The following CCDC39 variants were observed in gnomAD, a reference collection of about 807,000 sequenced individuals.
CCDC39 encodes coiled-coil domain 39 molecular ruler complex subunit.
CCDC39 carries 113 observed loss-of-function variants against 121.0 expected under a neutral mutation model. That is an observed-to-expected ratio of 0.93 (90% confidence interval 0.80 to 1.09). CCDC39 has a LOEUF of 1.09. Among genes scored for constraint, CCDC39 ranks in the 50% least tolerant of loss-of-function variants. The pLI is 0.00. For synonymous variants in CCDC39, 349 were observed against 352.2 expected, an observed-to-expected ratio of 0.99 and a Z score of 0.10; for missense variants, 1,063 against 1,074.7, an observed-to-expected ratio of 0.99 and a Z score of 0.15.
Position 180,654,860 on chromosome 3 carries a change from CTG to C in CCDC39, c.830_831del (p.Thr277ArgfsTer3), listed in dbSNP as rs773801386. On this transcript the variant is annotated frameshift_variant, in exon 7 of 20. Coordinates refer to ENST00000476379, the MANE Select transcript of CCDC39 (RefSeq NM_181426.2). LOFTEE classifies it high-confidence loss of function. ...KFLESEIGNN[T>X]EFEKRISVAD... ...GCCACAGAAATTCTTTTCTCAAACTCTGTGTTATTCCCAATCTCACTTTCCAA... is the reference window on the plus strand; with the variant it reads ...GCCACAGAAATTCTTTTCTCAAACTCTGTTATTCCCAATCTCACTTTCCAA... 1.1e-4 allele frequency: 169 copies of C among 1,604,204 alleles called. No individual in the cohort carries two copies. The highest frequency in any genetic ancestry group is 1.3e-4 in the Non-Finnish European group (157 of 1,176,772).
At chr3:180,620,059 G>T in intron 14 of CCDC39, 89 bp from the exon 15 acceptor site, 1 of 980,238 alleles carries the variant, frequency 1.0e-6, no homozygotes, top group South Asian at 2.0e-5. Flanking sequence ...GAAAATAGTT[G>T]ACTTGTGACA....
At chr3:180,667,901 T>C (rs1711928592) in intron 1 of CCDC39, among the ~76,000 whole-genome samples, 1 of 152,044 alleles carries the variant, frequency 6.6e-6, no homozygotes, top group African/African-American at 2.4e-5. Flanking sequence ...GAAAGCAAAA[T>C]AGCCTTATTG....
At chr3:180,616,755 AATAG>A (rs1717260106) in intron 17 of CCDC39, 60 bp from the exon 18 acceptor site, 1 of 1,576,966 alleles carries the variant, frequency 6.3e-7, no homozygotes, top group African/African-American at 1.4e-5. Flanking sequence ...TAATATTTTT[AATAG>A]ATGAAGGAGG....
chr3:180,675,423 A>G (rs1357085594), intron 1 of CCDC39, among the ~76,000 whole-genome samples: 1 of 152,114 alleles, frequency 6.6e-6, no homozygotes, highest in Admixed American at 6.5e-5. Context: ...GATCGTTTCA[A>G]AAAACCAGCT....
chr3:180,673,878 A>G (rs1296520407), intron 1 of CCDC39, among the ~76,000 whole-genome samples: 1 of 151,922 alleles, frequency 6.6e-6, no homozygotes, highest in South Asian at 2.1e-4. Flanking sequence ...TTTAAGATGT[A>G]TAAACTTAAA....
intron 8 of CCDC39, 88 bp from the exon 9 acceptor site, chr3:180,651,621 G>T: frequency 1.5e-6 from 2 of 1,295,222 alleles, no homozygotes; most frequent in Non-Finnish European, 1.0e-6. Flanking sequence ...ATATTTATTT[G>T]TATAACTTGA....
At chr3:180,660,522 A>G (rs1711715822) in intron 4 of CCDC39, 48 bp downstream of exon 4, 2 of 1,463,730 alleles carry the variant, frequency 1.4e-6, no homozygotes, top group Non-Finnish European at 1.8e-6. Flanking sequence ...AGGTTGACAT[A>G]CTACAGAGTT....
At chr3:180,640,232 A>C (rs1717924314) in intron 13 of CCDC39, among the ~76,000 whole-genome samples, 1 of 152,090 alleles carries the variant, frequency 6.6e-6, no homozygotes, top group Non-Finnish European at 1.5e-5. Flanking sequence ...AATATACCTC[A>C]ATAAAGTTTA....
At chr3:180,626,040 G>C (rs964337576) in intron 14 of CCDC39, among the ~76,000 whole-genome samples, 1 of 152,046 alleles carries the variant, frequency 6.6e-6, no homozygotes, top group African/African-American at 2.4e-5. Context: ...GGCAGCTGGT[G>C]TGATGCAGGT....
intron 14 of CCDC39, among the ~76,000 whole-genome samples, chr3:180,630,672 G>A (rs992067359): frequency 3.3e-5 from 5 of 152,078 alleles, no homozygotes; most frequent in Non-Finnish European, 5.9e-5. Context: ...TTTTCTACAT[G>A]GGAAAGATGA....
rs535709389 is a variant in CCDC39 at position 180,677,668 on chromosome 3, A to G, written c.90+1623T>C. Among the ~76,000 whole-genome samples the G allele has an allele frequency of 2.6e-5, 4 of 152,196 alleles. No individual in the cohort carries two copies. The South Asian group carries it at 8.3e-4, about 32-fold the overall frequency. On this transcript the variant is annotated intron_variant, in intron 1 of 19. Transcript: ENST00000476379. ...TCAACAACTGCTTTTTCTTCTCTCAAATACTAAAATAAATATTTTGTGTTA... is the reference window on the plus strand; with the variant it reads ...TCAACAACTGCTTTTTCTTCTCTCAGATACTAAAATAAATATTTTGTGTTA...
chr3:180,653,077 C>G (rs1008271985), intron 7 of CCDC39, among the ~76,000 whole-genome samples: 28 of 152,218 alleles, frequency 1.8e-4, no homozygotes, highest in African/African-American at 6.7e-4. Context: ...CTATTCAAAG[C>G]GATCTACAGA....
At chr3:180,625,236 T>G (rs536568266) in intron 14 of CCDC39, among the ~76,000 whole-genome samples, 1 of 152,036 alleles carries the variant, frequency 6.6e-6, no homozygotes, top group Non-Finnish European at 1.5e-5. Flanking sequence ...CTTTTTTTTT[T>G]AATTTGTCTG....
intron 1 of CCDC39, among the ~76,000 whole-genome samples, chr3:180,668,670 T>C (rs1711953854): frequency 6.6e-6 from 1 of 152,182 alleles, no homozygotes; most frequent in Non-Finnish European, 1.5e-5. Flanking sequence ...TGTTTATTTA[T>C]TTTCTATCTT....
chr3:180,656,867 G>A (rs1350542803), intron 6 of CCDC39, among the ~76,000 whole-genome samples: 1 of 152,148 alleles, frequency 6.6e-6, no homozygotes, highest in Admixed American at 6.5e-5. Context: ...GCAATGTCAG[G>A]GAGTTACCCT....
chr3:180,662,107 A>C (rs564555916), intron 2 of CCDC39, 100 bp from the exon 3 acceptor site: 1 of 1,147,962 alleles, frequency 8.7e-7, no homozygotes, highest in Admixed American at 2.8e-5. Context: ...AGTTCCCATA[A>C]ATTGCTTACA....
In CCDC39 at chr3:180,651,865, G is replaced by A. The variant is rs149495433; in HGVS notation, c.1034+298C>T. Among the ~76,000 whole-genome samples the A allele has an allele frequency of 2.2e-3, 336 of 152,122 alleles. 1 individual carries two copies. Among genetic ancestry groups the A allele is most frequent in the Non-Finnish European group, 3.9e-3 (266 of 67,992 alleles). ...ATCCTGGCTAACACGGTGAAACCCC[G>A]TCTCTAATAAAAATACAAAAAATTA... is the stretch of plus-strand genomic sequence containing the variant. On this transcript the variant is annotated intron_variant, in intron 8 of 19. Coordinates refer to ENST00000476379, the MANE Select transcript of CCDC39 (RefSeq NM_181426.2).
intron 13 of CCDC39, among the ~76,000 whole-genome samples, chr3:180,635,903 T>A (rs58906660): frequency 0.36 from 54,264 of 152,110 alleles, 12,324 homozygotes; most frequent in African/African-American, 0.65. Flanking sequence ...AAAAGTCAAC[T>A]CCTCTTCATG....
chr3:180,656,688 T>A (rs1231731846), intron 6 of CCDC39, among the ~76,000 whole-genome samples: 2 of 151,830 alleles, frequency 1.3e-5, no homozygotes, highest in Admixed American at 6.6e-5. Context: ...CATAAAGAAC[T>A]TGCTGATTAA....
Sources: allele counts gnomAD v4.1 joint callset (sites outside exome capture counted in the v4.1 genomes callset), GRCh38; gene constraint gnomAD v4.1.1; transcripts MANE v1.5; gene names NCBI Gene and HGNC (gene_info 2026-07-23, HGNC 2026-07-21).